CNTNAP2: variants seen among roughly 807,000 people sequenced by gnomAD.
CNTNAP2 encodes the protein contactin associated protein 2.
A neutral mutation model predicts 155.2 loss-of-function variants in CNTNAP2; 98 were observed. The ratio of observed to expected loss-of-function variants is 0.63; its 90% CI spans 0.54 to 0.75. CNTNAP2 has a LOEUF of 0.75. Ranked by LOEUF, CNTNAP2 falls within the 30% of genes least tolerant of loss-of-function variation. The pLI is 0.00. For missense variants in CNTNAP2, 1,727 were observed against 1,688.1 expected (o/e 1.02, Z -0.40); for synonymous variants, 651 against 631.2 (o/e 1.03, Z -0.47).
At chr7:146,170,315 C>A (rs1005175402) in intron 1 of CNTNAP2, among the ~76,000 whole-genome samples, 1 of 152,106 alleles carries the variant, frequency 6.6e-6, no homozygotes, top group African/African-American at 2.4e-5. Flanking sequence ...CATTAGTGAC[C>A]GTGCCAGGCA....
chr7:146,200,541 C>CAT (rs3049963), intron 1 of CNTNAP2, among the ~76,000 whole-genome samples: 124,849 of 150,742 alleles, frequency 0.83, 54,896 homozygotes, highest in Non-Finnish European at 0.96. Flanking sequence ...CACACACACA[C>CAT]ATATATATAC....
intron 17 of CNTNAP2, among the ~76,000 whole-genome samples, chr7:148,167,718 G>T (rs1235509280): frequency 1.3e-5 from 2 of 152,128 alleles, no homozygotes; most frequent in Non-Finnish European, 2.9e-5. Flanking sequence ...CGCTGAGAGA[G>T]ACTATGTAAT....
intron 12 of CNTNAP2, among the ~76,000 whole-genome samples, chr7:147,575,890 G>C (rs1383468060): frequency 6.6e-6 from 1 of 151,854 alleles, no homozygotes; most frequent in Non-Finnish European, 1.5e-5. Flanking sequence ...AAGTATTAGG[G>C]TCCCAATTTT....
At chr7:146,487,768 A>G (rs1004172008) in intron 1 of CNTNAP2, among the ~76,000 whole-genome samples, 2 of 152,208 alleles carry the variant, frequency 1.3e-5, no homozygotes, top group African/African-American at 4.8e-5. Context: ...GATCATGGGC[A>G]CTTGGTACTT....
At chr7:147,292,135 C>G (rs900906845) in intron 8 of CNTNAP2, among the ~76,000 whole-genome samples, 3 of 152,104 alleles carry the variant, frequency 2.0e-5, no homozygotes, top group Non-Finnish European at 4.4e-5. Flanking sequence ...TCTAGGAAAC[C>G]TCTGTTAGCC....
At chr7:148,193,506 G>A (rs1795231349) in intron 18 of CNTNAP2, among the ~76,000 whole-genome samples, 2 of 151,982 alleles carry the variant, frequency 1.3e-5, no homozygotes, top group South Asian at 4.2e-4. Context: ...TGGAAGAAAG[G>A]GACCACAAGG....
intron 8 of CNTNAP2, among the ~76,000 whole-genome samples, chr7:147,276,613 T>C (rs1804902131): frequency 6.6e-6 from 1 of 152,058 alleles, no homozygotes; most frequent in Non-Finnish European, 1.5e-5. Flanking sequence ...CACAATTTCT[T>C]TCTGTATCCT....
At chr7:146,299,431 C>G (rs936219918) in intron 1 of CNTNAP2, among the ~76,000 whole-genome samples, 1 of 152,032 alleles carries the variant, frequency 6.6e-6, no homozygotes, top group South Asian at 2.1e-4. Context: ...GTTGGAGTCA[C>G]GGAGTGCAGT....
intron 1 of CNTNAP2, among the ~76,000 whole-genome samples, chr7:146,525,877 C>G (rs1007016621): frequency 6.6e-6 from 1 of 152,028 alleles, no homozygotes; most frequent in Admixed American, 6.6e-5. Flanking sequence ...TAATGTTTGT[C>G]ATAAATGTGA....
intron 13 of CNTNAP2, among the ~76,000 whole-genome samples, chr7:147,760,706 CT>C (rs1241550097): frequency 6.6e-6 from 1 of 152,136 alleles, no homozygotes; most frequent in Admixed American, 6.5e-5. Context: ...GTCAAACCAG[CT>C]GACTTAGGTA....
chr7:148,404,504 G>GC (rs397934286), intron 22 of CNTNAP2, among the ~76,000 whole-genome samples: 2 of 152,044 alleles, frequency 1.3e-5, no homozygotes, highest in South Asian at 4.2e-4. Context: ...TTGCAACAGG[G>GC]TACAGCTCAC....
At chr7:148,003,846 A>G (rs1327949069) in intron 15 of CNTNAP2, among the ~76,000 whole-genome samples, 3 of 152,214 alleles carry the variant, frequency 2.0e-5, no homozygotes, top group Admixed American at 1.3e-4. Flanking sequence ...AGCAGAAGCT[A>G]CTTCTTATTT....
chr7:146,401,418 A>G (rs1724527), intron 1 of CNTNAP2, among the ~76,000 whole-genome samples: 23,342 of 152,188 alleles, frequency 0.15, 2,772 homozygotes, highest in African/African-American at 0.34. Context: ...CAGCTAGGGC[A>G]GGTCAATGAA....
intron 19 of CNTNAP2, among the ~76,000 whole-genome samples, 170 bp downstream of exon 19, chr7:148,217,694 A>G (rs534762925): frequency 1.3e-5 from 2 of 152,244 alleles, no homozygotes; most frequent in East Asian, 3.8e-4. Context: ...CAGGAAAACA[A>G]CTTGCCAGCT....
At chr7:148,270,182 T>A (rs1796749722) in intron 21 of CNTNAP2, among the ~76,000 whole-genome samples, 1 of 152,144 alleles carries the variant, frequency 6.6e-6, no homozygotes, top group East Asian at 1.9e-4. Flanking sequence ...ACAAATAACA[T>A]CATAAAGGCC....
At chr7:148,109,415 G>A (rs1328087433) in intron 15 of CNTNAP2, among the ~76,000 whole-genome samples, 4 of 149,684 alleles carry the variant, frequency 2.7e-5, no homozygotes, top group Admixed American at 2.0e-4. Context: ...ATGGAGTTTC[G>A]CTCTTGTTGC....
At chr7:147,798,131 ATTG>A in intron 13 of CNTNAP2, among the ~76,000 whole-genome samples, 1 of 152,298 alleles carries the variant, frequency 6.6e-6, no homozygotes, top group Middle Eastern at 3.4e-3. Context: ...TGCCAAATAC[ATTG>A]TTGTCACAGT....
chr7:147,097,429 T>C (rs1374146095), intron 4 of CNTNAP2: 1 of 152,244 alleles, frequency 6.6e-6, no homozygotes, highest in Non-Finnish European at 1.5e-5. Flanking sequence ...TTAATGGACT[T>C]ACAATTCCTC....
At chr7:146,731,905 T>C (rs899460164) in intron 1 of CNTNAP2, among the ~76,000 whole-genome samples, 1 of 152,172 alleles carries the variant, frequency 6.6e-6, no homozygotes, top group East Asian at 1.9e-4. Context: ...CAATAGTTAT[T>C]TGATATTTAG....
Sources: gnomAD v4.1 joint callset for allele counts (sites outside exome capture counted in the v4.1 genomes callset) on GRCh38, gnomAD v4.1.1 for gene constraint, MANE v1.5 for transcripts, NCBI Gene and HGNC (gene_info 2026-07-23, HGNC 2026-07-21) for gene names.